HHAT: variants seen among roughly 807,000 people sequenced by gnomAD.
The protein encoded by HHAT is protein-cysteine N-palmitoyltransferase HHAT.
HHAT carries 47 observed loss-of-function variants against 70.8 expected under a neutral mutation model. The ratio of observed to expected loss-of-function variants is 0.66; its 90% CI spans 0.53 to 0.85. HHAT has a LOEUF of 0.85. Among genes scored for constraint, HHAT ranks in the 40% least tolerant of loss-of-function variants. The probability of loss-of-function intolerance (pLI) is 0.00; values close to 1 mark genes in which losing one functional copy is unlikely to be tolerated. For synonymous variants in HHAT, 228 were observed against 247.6 expected (o/e 0.92, Z 0.74); for missense variants, 609 against 604.8 (o/e 1.01, Z -0.07).
At chr1:210,512,018 C>T (rs537120878) in intron 8 of HHAT, among the ~76,000 whole-genome samples, 1 of 152,212 alleles carries the variant, frequency 6.6e-6, no homozygotes, top group East Asian at 1.9e-4. Flanking sequence ...GAGGAACAAG[C>T]ATGCTAGTTA....
chr1:210,445,426 A>G (rs887374532), intron 7 of HHAT, among the ~76,000 whole-genome samples: 1 of 152,086 alleles, frequency 6.6e-6, no homozygotes, highest in African/African-American at 2.4e-5. Flanking sequence ...TAATCTTTTA[A>G]ATTTCATTCT....
At chr1:210,632,626 G>A (rs1268635858) in intron 11 of HHAT, among the ~76,000 whole-genome samples, 1 of 152,218 alleles carries the variant, frequency 6.6e-6, no homozygotes, top group Non-Finnish European at 1.5e-5. Context: ...TGCCATGCCA[G>A]CTTCCAGCTT....
chr1:210,575,956 T>C (rs1657625178), intron 9 of HHAT, among the ~76,000 whole-genome samples: 2 of 152,126 alleles, frequency 1.3e-5, no homozygotes, highest in Non-Finnish European at 2.9e-5. Flanking sequence ...ATGTTGGAGA[T>C]AGACAGAAGT....
intron 7 of HHAT, among the ~76,000 whole-genome samples, chr1:210,424,713 G>T (rs2093009898): frequency 6.6e-6 from 1 of 152,044 alleles, no homozygotes; most frequent in Non-Finnish European, 1.5e-5. Flanking sequence ...GTATTCCATG[G>T]TGTATATGTA....
At chr1:210,656,912 T>C (rs1405244932) in intron 11 of HHAT, among the ~76,000 whole-genome samples, 1 of 152,174 alleles carries the variant, frequency 6.6e-6, no homozygotes, top group African/African-American at 2.4e-5. Flanking sequence ...GGGGTAGATG[T>C]GGACAGCGCC....
At chr1:210,471,630 CTCT>C (rs2094206306) in intron 8 of HHAT, among the ~76,000 whole-genome samples, 1 of 152,102 alleles carries the variant, frequency 6.6e-6, no homozygotes, top group Non-Finnish European at 1.5e-5. Flanking sequence ...ATAGCCCAAA[CTCT>C]AGTAATAATA....
At chr1:210,544,495 C>T (rs1011406225) in intron 9 of HHAT, among the ~76,000 whole-genome samples, 3 of 151,368 alleles carry the variant, frequency 2.0e-5, no homozygotes, top group Non-Finnish European at 4.4e-5. Context: ...GCTTCAGCCT[C>T]CCGAGTAGCT....
intron 7 of HHAT, among the ~76,000 whole-genome samples, chr1:210,420,220 G>A (rs999362951): frequency 3.3e-5 from 5 of 152,060 alleles, no homozygotes; most frequent in South Asian, 2.1e-4. Context: ...TTAACACCTC[G>A]TCGTATGAAT....
intron 6 of HHAT, among the ~76,000 whole-genome samples, chr1:210,408,488 C>T (rs1262083001): frequency 6.6e-6 from 1 of 152,084 alleles, no homozygotes; most frequent in African/African-American, 2.4e-5. Flanking sequence ...CGGCCTCTTA[C>T]TTTTATTATT....
intron 10 of HHAT, among the ~76,000 whole-genome samples, chr1:210,595,430 G>A (rs971326538): frequency 1.3e-4 from 20 of 152,186 alleles, no homozygotes; most frequent in Admixed American, 2.0e-4. Context: ...AAACATACAT[G>A]TGCATCTGTC....
chr1:210,648,102 C>T (rs1674434450), intron 11 of HHAT, among the ~76,000 whole-genome samples: 1 of 152,146 alleles, frequency 6.6e-6, no homozygotes, highest in South Asian at 2.1e-4. Context: ...CCAAACAAAC[C>T]CAACCACTGG....
At chr1:210,358,565 A>G (rs2087902039) in intron 2 of HHAT, among the ~76,000 whole-genome samples, 1 of 152,202 alleles carries the variant, frequency 6.6e-6, no homozygotes, top group Non-Finnish European at 1.5e-5. Flanking sequence ...GCTTACCGCT[A>G]AATTCTCCTA....
At chr1:210,615,291 G>A (rs752813773) in intron 10 of HHAT, among the ~76,000 whole-genome samples, 1 of 152,078 alleles carries the variant, frequency 6.6e-6, no homozygotes, top group African/African-American at 2.4e-5. Flanking sequence ...TTGAGTTCTT[G>A]TAAATTTAAG....
At chr1:210,398,156 A>G (rs1397111256) in intron 4 of HHAT, among the ~76,000 whole-genome samples, 1 of 152,230 alleles carries the variant, frequency 6.6e-6, no homozygotes, top group Non-Finnish European at 1.5e-5. Flanking sequence ...TCATTCCAAT[A>G]GCATTTTTAT....
At chr1:210,662,334 T>A (rs1558383847) in intron 11 of HHAT, among the ~76,000 whole-genome samples, 1 of 147,156 alleles carries the variant, frequency 6.8e-6, no homozygotes, top group African/African-American at 2.5e-5. Context: ...TTCATAAATA[T>A]GGATGTGGGT....
rs1423314490 is a variant in HHAT at position 210,574,860 on chromosome 1, A to G, written c.1044-13038A>G. 1.6e-4 allele frequency among the ~76,000 whole-genome samples: 24 copies of G among 152,340 alleles called. No individual in the cohort carries two copies. In the South Asian group the frequency reaches 3.5e-3, roughly 22 times the overall value. On this transcript the variant is annotated intron_variant, in intron 9 of 11. Coordinates refer to ENST00000261458, the MANE Select transcript of HHAT (RefSeq NM_018194.6). ...TCCAAGGCATTGTACCAGCACAGTA[A>G]CCTTTAAGTTGCACAAGTTTATTTT...
intron 9 of HHAT, among the ~76,000 whole-genome samples, chr1:210,562,594 GCT>G (rs1193465340): frequency 1.3e-5 from 2 of 152,000 alleles, no homozygotes; most frequent in Non-Finnish European, 2.9e-5. Context: ...CATGTTTTGA[GCT>G]CTTTGTGTTC....
At chr1:210,410,146 G>A (rs144964113) in intron 6 of HHAT, among the ~76,000 whole-genome samples, 2,998 of 151,192 alleles carry the variant, frequency 0.02, 108 homozygotes, top group African/African-American at 0.069. Flanking sequence ...TCCACCTCCC[G>A]GGTTCACGTC....
At chr1:210,579,009 A>G (rs1658565526) in intron 9 of HHAT, among the ~76,000 whole-genome samples, 1 of 152,202 alleles carries the variant, frequency 6.6e-6, no homozygotes, top group Non-Finnish European at 1.5e-5. Flanking sequence ...CCTTTGCAAG[A>G]ACATGGATGG....
Sources: gnomAD v4.1 joint callset for allele counts (sites outside exome capture counted in the v4.1 genomes callset) on GRCh38, gnomAD v4.1.1 for gene constraint, MANE v1.5 for transcripts, NCBI Gene and HGNC (gene_info 2026-07-23, HGNC 2026-07-21) for gene names.